Variants in ZNF609 observed in about 807,000 individuals in gnomAD.
ZNF609 encodes zinc finger protein 609.
A neutral mutation model predicts 109.5 loss-of-function variants in ZNF609; 11 were observed. The observed-to-expected ratio is 0.10, with a 90% CI of 0.06 to 0.17. ZNF609 has a LOEUF of 0.17. Among genes scored for constraint, ZNF609 ranks in the 10% least tolerant of loss-of-function variants. The pLI is 1.00. For synonymous variants in ZNF609, 646 were observed against 662.0 expected (o/e 0.98, Z 0.37); for missense variants, 1,559 against 1,772.4 (o/e 0.88, Z 2.16).
intron 2 of ZNF609, chr15:64,592,896 G>C (rs1333663229): frequency 7.1e-6 from 5 of 704,142 alleles, no homozygotes; most frequent in South Asian, 7.0e-5. Flanking sequence ...CTGGGCAACA[G>C]AGCAAGACTC....
At chr15:64,489,812 G>A (rs1240557207) in intron 1 of ZNF609, among the ~76,000 whole-genome samples, 2 of 152,254 alleles carry the variant, frequency 1.3e-5, no homozygotes, top group Admixed American at 6.5e-5. Flanking sequence ...ACAGGCATGA[G>A]TCACCATGCC....
intron 2 of ZNF609, among the ~76,000 whole-genome samples, chr15:64,557,190 C>CTTT (rs11307309): frequency 2.3e-4 from 32 of 141,644 alleles, no homozygotes; most frequent in African/African-American, 7.6e-4. Flanking sequence ...TCTTATTCTT[C>CTTT]TTTTTTTTTT....
intron 2 of ZNF609, among the ~76,000 whole-genome samples, chr15:64,618,077 C>G (rs1360237670): frequency 1.3e-5 from 2 of 151,526 alleles, no homozygotes; most frequent in African/African-American, 4.9e-5. Context: ...AATCCCTGCT[C>G]TTATATTTTA....
chr15:64,529,626 A>G (rs1378568510), intron 2 of ZNF609: 10 of 947,946 alleles, frequency 1.1e-5, no homozygotes, highest in Non-Finnish European at 1.7e-5. Context: ...TGCACCAGGC[A>G]CCCAGTACGA....
At chr15:64,631,308 A>C in intron 3 of ZNF609, 1 of 678,846 alleles carries the variant, frequency 1.5e-6, no homozygotes, top group Admixed American at 1.8e-5. Context: ...GTGAGTGCTT[A>C]ATGTGCTGAA....
chr15:64,544,276 G>A (rs539773574), intron 2 of ZNF609, among the ~76,000 whole-genome samples: 43 of 152,266 alleles, frequency 2.8e-4, no homozygotes, highest in African/African-American at 9.9e-4. Flanking sequence ...GGAGGCGGAG[G>A]TTGCAGTGAG....
chr15:64,600,449 CAAAAAAAAAA>C (rs60948226), intron 2 of ZNF609, among the ~76,000 whole-genome samples: 1 of 53,822 alleles, frequency 1.9e-5, no homozygotes, highest in Non-Finnish European at 3.7e-5. Context: ...GGCTGTGTCT[CAAAAAAAAAA>C]AAAAAAAGAA....
At chr15:64,613,606 A>G (rs768040619) in intron 2 of ZNF609, among the ~76,000 whole-genome samples, 5 of 152,072 alleles carry the variant, frequency 3.3e-5, no homozygotes, top group Non-Finnish European at 7.4e-5. Flanking sequence ...GCTGGAGTGC[A>G]GTGGTGTGAT....
At chr15:64,529,381 C>T (rs1487734172) in intron 2 of ZNF609, 1 of 741,252 alleles carries the variant, frequency 1.3e-6, no homozygotes, top group East Asian at 2.7e-5. Context: ...CCAGTGAACT[C>T]TACGACGTAC....
chr15:64,472,081 T>C (rs1350802469), intron 1 of ZNF609, among the ~76,000 whole-genome samples: 1 of 151,858 alleles, frequency 6.6e-6, no homozygotes, highest in East Asian at 1.9e-4. Flanking sequence ...CAGCTAATTT[T>C]TGTATTTTTT....
chr15:64,565,836 C>G (rs958311841), intron 2 of ZNF609, among the ~76,000 whole-genome samples: 1 of 151,864 alleles, frequency 6.6e-6, no homozygotes, highest in African/African-American at 2.4e-5. Flanking sequence ...AATTGAAGTA[C>G]TTTATTTTAT....
In ZNF609 at chr15:64,506,371, C is replaced by A. The variant is rs146055094; in HGVS notation, c.747+6205C>A. On this transcript the variant is annotated intron_variant, in intron 2 of 9. Coordinates refer to ENST00000326648, the MANE Select transcript of ZNF609 (RefSeq NM_015042.2). The stretch of plus-strand genomic sequence containing the variant: ...CTCCTGGGCTCAAGTGATCCACCCG[C>A]CTTGGCCTCCCAAAGTGCTGGGATT... Among the ~76,000 whole-genome samples the A allele has an allele frequency of 7.3e-4, 111 of 151,330 alleles. 1 individual carries two copies. In the East Asian group the frequency reaches 0.021, roughly 29 times the overall value.
At chr15:64,470,982 C>G (rs1189682783) in intron 1 of ZNF609, among the ~76,000 whole-genome samples, 1 of 152,162 alleles carries the variant, frequency 6.6e-6, no homozygotes, top group Non-Finnish European at 1.5e-5. Context: ...TTTTAGTCTT[C>G]TGTTGTTGTT....
chr15:64,636,207 G>C (rs951395056), intron 3 of ZNF609, among the ~76,000 whole-genome samples: 1 of 152,156 alleles, frequency 6.6e-6, no homozygotes, highest in Non-Finnish European at 1.5e-5. Flanking sequence ...GTCATTTATA[G>C]GCCCTGCTAC....
intron 1 of ZNF609, among the ~76,000 whole-genome samples, 165 bp downstream of exon 1, chr15:64,461,003 T>G (rs1596371522): frequency 6.0e-4 from 3 of 4,962 alleles, no homozygotes; most frequent in South Asian, 6.1e-3. Flanking sequence ...GGAAGGTGTG[T>G]AGGGGGGGTC....
At chr15:64,510,767 G>C (rs1271221546) in intron 2 of ZNF609, among the ~76,000 whole-genome samples, 1 of 151,932 alleles carries the variant, frequency 6.6e-6, no homozygotes. Context: ...TGTCCATTGG[G>C]ATGTGACAAT....
In ZNF609 at chr15:64,556,681, G is replaced by A. The variant is rs532812241; in HGVS notation, c.747+56515G>A. Among the ~76,000 whole-genome samples, 298 of 152,142 alleles carry A rather than the reference G, an allele frequency of 2.0e-3. 1 individual carries two copies. Among genetic ancestry groups the A allele is most frequent in the Admixed American group, 4.4e-3 (67 of 15,280 alleles). The stretch of plus-strand genomic sequence containing the variant: ...CTTTCACATAATGCCAGTGTATTTA[G>A]TCTGTTTGTAATCTGTTAACACCAT... On this transcript the variant is annotated intron_variant, in intron 2 of 9. Coordinates refer to ENST00000326648, the MANE Select transcript of ZNF609 (RefSeq NM_015042.2).
intron 2 of ZNF609, among the ~76,000 whole-genome samples, chr15:64,589,679 T>C (rs1488422888): frequency 6.6e-6 from 1 of 152,234 alleles, no homozygotes; most frequent in Non-Finnish European, 1.5e-5. Context: ...TCTTTCCTTA[T>C]CTCATCTGTT....
At chr15:64,667,368 C>T (rs1424903884) in intron 3 of ZNF609, among the ~76,000 whole-genome samples, 1 of 152,142 alleles carries the variant, frequency 6.6e-6, no homozygotes, top group Non-Finnish European at 1.5e-5. Context: ...CAAACAAAAG[C>T]TAATTCCAGA....
Sources: allele counts gnomAD v4.1 joint callset (sites outside exome capture counted in the v4.1 genomes callset), GRCh38; gene constraint gnomAD v4.1.1; transcripts MANE v1.5; gene names NCBI Gene and HGNC (gene_info 2026-07-23, HGNC 2026-07-21).